Variants in ABCG2 observed in about 807,000 individuals in gnomAD.
The protein encoded by ABCG2 is broad substrate specificity ATP-binding cassette transporter ABCG2.
Under a neutral mutation model 73.5 loss-of-function variants are expected in ABCG2, and 80 were observed. The ratio of observed to expected loss-of-function variants is 1.09; its 90% confidence interval spans 0.91 to 1.31. The LOEUF (loss-of-function observed/expected upper bound fraction) is 1.31, where lower values mean the gene tolerates loss of function less well. Ranked by LOEUF, ABCG2 falls within the 50% of genes most tolerant of loss-of-function variation. The probability of loss-of-function intolerance (pLI) is 0.00; values close to 1 mark genes in which losing one functional copy is unlikely to be tolerated. For synonymous variants in ABCG2, 269 were observed against 282.4 expected (o/e 0.95, Z 0.48); for missense variants, 796 against 786.2 (o/e 1.01, Z -0.15).
chr4:88,094,611 T>TG lies in ABCG2; in HGVS notation c.1785dup (p.Asn596GlnfsTer9), dbSNP rs758560040. On this transcript the variant is annotated frameshift_variant, in exon 15 of 16. Coordinates refer to ENST00000237612, the MANE Select transcript of ABCG2 (RefSeq NM_004827.3). LOFTEE classifies it low-confidence loss of function (END_TRUNC). Reference sequence around the variant, plus strand: ...TTACAAGGATTGTTTCCTGTTGCATTGAGTCCTGGGCAGAAGTTTTGTCCC... The same window carrying TG: ...TTACAAGGATTGTTTCCTGTTGCATTGGAGTCCTGGGCAGAAGTTTTGTCCC... The TG allele has an allele frequency of 5.0e-6, 8 of 1,614,102 alleles. No individual in the cohort carries two copies. The highest frequency in any genetic ancestry group is 6.8e-6 in the Non-Finnish European group (8 of 1,179,956).
intron 1 of ABCG2, among the ~76,000 whole-genome samples, chr4:88,172,328 A>G (rs1440730655): frequency 6.7e-6 from 1 of 149,668 alleles, no homozygotes; most frequent in Non-Finnish European, 1.5e-5. Context: ...CTAGTGGCTC[A>G]TGCCTATAAT....
chr4:88,214,845 AC>A (rs11317636), intron 1 of ABCG2, among the ~76,000 whole-genome samples: 54,309 of 151,684 alleles, frequency 0.36, 9,854 homozygotes, highest in Middle Eastern at 0.49. Flanking sequence ...ACTGAACTCA[AC>A]TCCTGGGCTC....
intron 1 of ABCG2, among the ~76,000 whole-genome samples, chr4:88,168,485 CAA>C (rs5860121): frequency 1.5e-5 from 2 of 137,742 alleles, no homozygotes; most frequent in Admixed American, 7.6e-5. Context: ...GGCTTCCTCT[CAA>C]AAAAAAAAAA....
intron 1 of ABCG2, among the ~76,000 whole-genome samples, chr4:88,178,409 G>A (rs1386894341): frequency 2.0e-5 from 3 of 152,120 alleles, no homozygotes; most frequent in African/African-American, 7.2e-5. Context: ...AATCAGTAGC[G>A]GTACCCAGGC....
chr4:88,131,754 C>A (rs371844498), intron 4 of ABCG2, 49 bp downstream of exon 4: 3 of 1,357,002 alleles, frequency 2.2e-6, no homozygotes, highest in African/African-American at 1.4e-5. Context: ...AAAGCACTTA[C>A]CCATATAGAA....
In ABCG2 at chr4:88,185,645, G is replaced by GA. The variant is rs920629494; in HGVS notation, c.-20+45348dup. ...TAATAACCAGAATGTATAAGGAACT[G>GA]AAAAAAACTCTATAAAAAACTAATA... On this transcript the variant is annotated intron_variant, in intron 1 of 15. Coordinates refer to the ABCG2 transcript ENST00000515655. 5.4e-4 allele frequency among the ~76,000 whole-genome samples: 82 copies of GA among 151,872 alleles called. 1 individual carries two copies. The highest frequency in any genetic ancestry group is 4.7e-4 in the Non-Finnish European group (32 of 67,944).
intron 1 of ABCG2, among the ~76,000 whole-genome samples, chr4:88,173,053 A>AT (rs1727821216): frequency 6.6e-6 from 1 of 152,134 alleles, no homozygotes; most frequent in African/African-American, 2.4e-5. Context: ...CACATTAAGT[A>AT]TTTTTCATTA....
chr4:88,145,255 A>C (rs1287556113), intron 1 of ABCG2, among the ~76,000 whole-genome samples: 1 of 152,270 alleles, frequency 6.6e-6, no homozygotes, highest in East Asian at 1.9e-4. Context: ...GATTGCTACA[A>C]ACTTAGCAGT....
chr4:88,101,397 C>T, intron 10 of ABCG2, 78 bp from the exon 11 acceptor site: 3 of 1,266,512 alleles, frequency 2.4e-6, no homozygotes, highest in Non-Finnish European at 3.4e-6. Context: ...AAAACTCTTT[C>T]CACAAATGAC....
At chr4:88,230,343 ATATT>A (rs1368137974) in intron 1 of ABCG2, among the ~76,000 whole-genome samples, 103 of 91,068 alleles carry the variant, frequency 1.1e-3, no homozygotes, top group African/African-American at 4.0e-3. Flanking sequence ...ATATATATAT[ATATT>A]TTTTGAGACG....
chr4:88,212,253 T>TC (rs1729633699), intron 1 of ABCG2, among the ~76,000 whole-genome samples: 1 of 152,164 alleles, frequency 6.6e-6, no homozygotes, highest in Non-Finnish European at 1.5e-5. Context: ...CTAATAACTT[T>TC]CCCCAGAAGA....
intron 1 of ABCG2, among the ~76,000 whole-genome samples, chr4:88,186,639 G>A (rs2110103954): frequency 6.6e-6 from 1 of 151,982 alleles, no homozygotes; most frequent in East Asian, 1.9e-4. Context: ...TAGCCGGGCG[G>A]CCGGGCGCGG....
Position 88,102,538 on chromosome 4 carries a change from G to A in ABCG2, c.1278-1219C>T, listed in dbSNP as rs975226260. Reference sequence around the variant, plus strand: ...TTGAACCTGGGACGTGGAGGTTGCAGTGAGCTGAGATCGCGCCACTGCACT... The same window carrying A: ...TTGAACCTGGGACGTGGAGGTTGCAATGAGCTGAGATCGCGCCACTGCACT... On this transcript the variant is annotated intron_variant, in intron 10 of 15. Coordinates refer to ENST00000237612, the MANE Select transcript of ABCG2 (RefSeq NM_004827.3). Among the ~76,000 whole-genome samples the A allele has an allele frequency of 3.3e-5, 5 of 151,374 alleles. No individual in the cohort carries two copies. In the South Asian group the frequency reaches 8.3e-4, roughly 25 times the overall value.
rs1553945717 is a variant in ABCG2, at chr4:88,202,354, T to TATA, written c.-20+28639_-20+28640insTAT. On this transcript the variant is annotated intron_variant, in intron 1 of 15. Transcript: ENST00000515655. ...AGGAGGACCCCATCTCTACAATTAT[T>TATA]TATATATATATATATATATATATGT... is the stretch of plus-strand genomic sequence containing the variant. 8.6e-3 allele frequency among the ~76,000 whole-genome samples: 536 copies of TATA among 62,072 alleles called. 126 individuals carry two copies. The highest frequency in any genetic ancestry group is 0.015 in the African/African-American group (298 of 19,276). 40.7% of individuals were successfully genotyped at this position (62,072 alleles called of 152,430 possible).
intron 1 of ABCG2, among the ~76,000 whole-genome samples, chr4:88,218,119 G>A (rs1443542716): frequency 1.3e-5 from 2 of 152,066 alleles, no homozygotes; most frequent in African/African-American, 4.8e-5. Flanking sequence ...TTTCCTCCCA[G>A]ATGATATCTT....
At chr4:88,214,871 C>T (rs933926689) in intron 1 of ABCG2, among the ~76,000 whole-genome samples, 2 of 152,042 alleles carry the variant, frequency 1.3e-5, no homozygotes, top group Non-Finnish European at 2.9e-5. Context: ...GATTCTCCTG[C>T]CTTGGCCTCC....
chr4:88,202,358 A>ATATATATATATATATATATATATATATC (rs1729211440), intron 1 of ABCG2, among the ~76,000 whole-genome samples: 1 of 111,240 alleles, frequency 9.0e-6, no homozygotes, highest in Non-Finnish European at 1.9e-5. Flanking sequence ...AATTATTTAT[A>ATATATATATATATATATATATATATATC]TATATATATA....
chr4:88,101,076 A>G (rs1722374470), intron 11 of ABCG2, among the ~76,000 whole-genome samples, 154 bp downstream of exon 11: 1 of 152,182 alleles, frequency 6.6e-6, no homozygotes, highest in African/African-American at 2.4e-5. Context: ...TATGATCAAT[A>G]TATACAATTT....
rs1578272916 is a variant in ABCG2, at chr4:88,199,628, A to G, written c.-20+31366T>C. ...CCCTTCAGATTTAAAGAAGAAATAG[A>G]CTTTCTCAGACAAATAAACGTCAGA... is the stretch of plus-strand genomic sequence containing the variant. On this transcript the variant is annotated intron_variant, in intron 1 of 15. Transcript: ENST00000515655. Among the ~76,000 whole-genome samples the G allele has an allele frequency of 4.6e-5, 7 of 152,358 alleles. 1 individual carries two copies. Among genetic ancestry groups the G allele is most frequent in the Admixed American group, 4.6e-4 (7 of 15,300 alleles).
Sources: gnomAD v4.1 joint callset for allele counts (sites outside exome capture counted in the v4.1 genomes callset) on GRCh38, gnomAD v4.1.1 for gene constraint, MANE v1.5 for transcripts, NCBI Gene and HGNC (gene_info 2026-07-23, HGNC 2026-07-21) for gene names.